Variants in PCLO observed in about 807,000 individuals in gnomAD.
PCLO encodes protein piccolo.
Under a neutral mutation model 427.5 loss-of-function variants are expected in PCLO, and 82 were observed. The observed-to-expected ratio is 0.19, with a 90% CI of 0.16 to 0.23. PCLO has a LOEUF of 0.23. PCLO is among the 10% of genes least tolerant of loss of function. The pLI, the probability that PCLO is intolerant of heterozygous loss-of-function variation, is 1.00. For missense variants in PCLO, 6,239 were observed against 6,115.9 expected (o/e 1.02, Z -0.67); for synonymous variants, 2,357 against 2,155.4 (o/e 1.09, Z -2.59).
intron 9 of PCLO, among the ~76,000 whole-genome samples, chr7:82,882,190 T>C (rs745620293): frequency 2.3e-4 from 35 of 152,154 alleles, no homozygotes; most frequent in African/African-American, 7.5e-4. Context: ...ATTTCAAATA[T>C]AGATAAAATG....
intron 3 of PCLO, among the ~76,000 whole-genome samples, chr7:83,063,286 C>T (rs975237061): frequency 6.6e-6 from 1 of 152,026 alleles, no homozygotes; most frequent in African/African-American, 2.4e-5. Flanking sequence ...GTGCCCATTA[C>T]CCATGAAGCT....
In PCLO at chr7:83,004,953, C is replaced by T. The variant is rs376235023; in HGVS notation, c.3301-38466G>A. Reference sequence around the variant, plus strand: ...AACATCACTAATCATCAGGAAAACGCGAATCAAAAACACAATGATATATCA... The same window carrying T: ...AACATCACTAATCATCAGGAAAACGTGAATCAAAAACACAATGATATATCA... On this transcript the variant is annotated intron_variant, in intron 3 of 24. Coordinates refer to ENST00000333891, the MANE Select transcript of PCLO (RefSeq NM_033026.6). Among the ~76,000 whole-genome samples, 125 of 151,006 alleles carry T rather than the reference C, an allele frequency of 8.3e-4. 1 individual carries two copies. The highest frequency in any genetic ancestry group is 2.7e-3 in the African/African-American group (110 of 41,246).
At chr7:83,097,193 A>G (rs1247826658) in intron 3 of PCLO, among the ~76,000 whole-genome samples, 1 of 123,380 alleles carries the variant, frequency 8.1e-6, no homozygotes, top group Non-Finnish European at 1.6e-5. Context: ...TATATATTAT[A>G]TTATTATATA....
intron 3 of PCLO, among the ~76,000 whole-genome samples, chr7:83,060,695 G>A (rs1396643901): frequency 6.6e-6 from 1 of 152,182 alleles, no homozygotes; most frequent in Non-Finnish European, 1.5e-5. Flanking sequence ...AGTCACTGGT[G>A]GTGGTGGTCC....
chr7:83,075,743 T>C (rs1158064767), intron 3 of PCLO, among the ~76,000 whole-genome samples: 1 of 152,132 alleles, frequency 6.6e-6, no homozygotes, highest in Non-Finnish European at 1.5e-5. Context: ...CACACACATA[T>C]AAATACCTTG....
At chr7:83,133,684 T>C (rs567360815) in intron 3 of PCLO, among the ~76,000 whole-genome samples, 2 of 152,140 alleles carry the variant, frequency 1.3e-5, no homozygotes, top group African/African-American at 4.8e-5. Flanking sequence ...AAATATAATA[T>C]ATTTGAACCA....
rs1002738267 is a variant in PCLO at position 82,845,302 on chromosome 7, G to A, written c.14015C>T (p.Ser4672Leu). 6.2e-7 allele frequency: 1 copy of A among 1,613,462 alleles called. No individual in the cohort carries two copies. The highest frequency in any genetic ancestry group is 8.5e-7 in the Non-Finnish European group (1 of 1,179,634). The part of the protein sequence containing the change: ...VPSPGQPGSP[S>L]VSKKKHGSSK... Reference sequence around the variant, plus strand: ...GCTGCCGTGCTTCTTTTTGCTCACTGAGGGGGACCCTGGTTGCCCAGGGCT... The same window carrying A: ...GCTGCCGTGCTTCTTTTTGCTCACTAAGGGGGACCCTGGTTGCCCAGGGCT... The change falls in exon 13 of 25, where the codon TCA becomes TTA. Residue 4672 changes from serine to leucine, a missense_variant. Ser to Leu is a moderately radical substitution (Grantham distance 145, BLOSUM62 -2). Coordinates refer to ENST00000333891, the MANE Select transcript of PCLO (RefSeq NM_033026.6).
At chr7:82,904,757 A>T (rs1423741393) in intron 8 of PCLO, among the ~76,000 whole-genome samples, 1 of 152,026 alleles carries the variant, frequency 6.6e-6, no homozygotes, top group African/African-American at 2.4e-5. Context: ...TTTATCAAAT[A>T]GCCACTATTA....
chr7:82,767,146 C>T (rs1790547448), intron 22 of PCLO, among the ~76,000 whole-genome samples: 1 of 151,986 alleles, frequency 6.6e-6, no homozygotes, highest in Admixed American at 6.6e-5. Flanking sequence ...AAACAAACAA[C>T]AAAAAACCAT....
intron 20 of PCLO, among the ~76,000 whole-genome samples, chr7:82,816,375 C>T (rs1791679679): frequency 6.6e-6 from 1 of 150,836 alleles, no homozygotes; most frequent in Non-Finnish European, 1.5e-5. Flanking sequence ...AGAAAGTTGC[C>T]TGCCCCATGC....
rs150196358 is a variant in PCLO at position 82,910,894 on chromosome 7, A to G, written c.13301-1881T>C. ...TCTTAAAATCTATTAGATTATTCCCAGTGACACTGACACTACTTTTGTCTT... is the reference window on the plus strand; with the variant it reads ...TCTTAAAATCTATTAGATTATTCCCGGTGACACTGACACTACTTTTGTCTT... On this transcript the variant is annotated intron_variant, in intron 7 of 24. Coordinates refer to ENST00000333891, the MANE Select transcript of PCLO (RefSeq NM_033026.6). Among the ~76,000 whole-genome samples the G allele has an allele frequency of 9.8e-4, 150 of 152,288 alleles. 1 individual carries two copies. Among genetic ancestry groups the G allele is most frequent in the East Asian group, 5.0e-3 (26 of 5,166 alleles).
intron 3 of PCLO, among the ~76,000 whole-genome samples, chr7:82,978,169 C>G (rs1308877582): frequency 6.8e-6 from 1 of 146,812 alleles, no homozygotes; most frequent in African/African-American, 2.5e-5. Context: ...GAGACCCCCA[C>G]CCCCCCGGCA....
chr7:83,162,506 C>A lies in PCLO; in HGVS notation c.87G>T (p.Ala29=), dbSNP rs774916418. The change falls in exon 1 of 25, where the codon GCG becomes GCT. Residue 29 remains alanine, a synonymous_variant. Coordinates refer to ENST00000333891, the MANE Select transcript of PCLO (RefSeq NM_033026.6). The part of the protein sequence containing the change: ...AAAAGGGASG[A]GSPSHTAIPA... ...GGATCGCGGTGTGAGAGGGGCTCCCCGCCCCGCTAGCTCCTCCTCCAGCCG... is the reference window on the plus strand; with the variant it reads ...GGATCGCGGTGTGAGAGGGGCTCCCAGCCCCGCTAGCTCCTCCTCCAGCCG... 4 of 1,564,452 alleles carry A rather than the reference C, an allele frequency of 2.6e-6. No homozygotes were observed. The Admixed American group carries it at 7.5e-5, about 29-fold the overall frequency.
chr7:82,886,144 G>A (rs1338569797), intron 9 of PCLO, among the ~76,000 whole-genome samples: 1 of 152,162 alleles, frequency 6.6e-6, no homozygotes. Context: ...AAATGCTTTT[G>A]GCTTAGGCAG....
chr7:82,801,810 T>G (rs557293979), intron 21 of PCLO, among the ~76,000 whole-genome samples: 1 of 152,296 alleles, frequency 6.6e-6, no homozygotes, highest in East Asian at 1.9e-4. Context: ...ACTTGTTTAT[T>G]ATTCCTATTC....
At chr7:83,121,032 C>T (rs1022578981) in intron 3 of PCLO, among the ~76,000 whole-genome samples, 1 of 151,914 alleles carries the variant, frequency 6.6e-6, no homozygotes, top group Non-Finnish European at 1.5e-5. Context: ...CTTTTGTATC[C>T]CAGCACTTTG....
intron 3 of PCLO, among the ~76,000 whole-genome samples, chr7:83,025,844 C>T (rs1788480446): frequency 6.6e-6 from 1 of 151,868 alleles, no homozygotes; most frequent in Non-Finnish European, 1.5e-5. Flanking sequence ...ATTTCATATC[C>T]AGCCAAACTA....
At chr7:82,773,978 C>G (rs1583959585) in intron 22 of PCLO, among the ~76,000 whole-genome samples, 1 of 152,154 alleles carries the variant, frequency 6.6e-6, no homozygotes, top group East Asian at 1.9e-4. Context: ...GGCTGTAGCT[C>G]TTACCCGGGA....
chr7:82,931,135 T>A (rs1194875839), intron 6 of PCLO, among the ~76,000 whole-genome samples: 1 of 152,156 alleles, frequency 6.6e-6, no homozygotes, highest in Non-Finnish European at 1.5e-5. Flanking sequence ...ATTTTACTTA[T>A]ATTAACTTAT....
Sources: gnomAD v4.1 joint callset for allele counts (sites outside exome capture counted in the v4.1 genomes callset) on GRCh38, gnomAD v4.1.1 for gene constraint, MANE v1.5 for transcripts, NCBI Gene and HGNC (gene_info 2026-07-23, HGNC 2026-07-21) for gene names.